The following RBFOX1 variants were observed in gnomAD, a reference collection of about 807,000 sequenced individuals.
RBFOX1 encodes the protein RNA binding fox-1 homolog 1, also known as RNA binding protein fox-1 homolog 1.
A neutral mutation model predicts 57.7 loss-of-function variants in RBFOX1; 8 were observed. The ratio of observed to expected loss-of-function variants is 0.14; its 90% confidence interval spans 0.08 to 0.25. The LOEUF (loss-of-function observed/expected upper bound fraction) is 0.25. Ranked by LOEUF, RBFOX1 falls within the 10% of genes least tolerant of loss-of-function variation. RBFOX1 has a pLI of 1.00. For synonymous variants in RBFOX1, 326 were observed against 222.4 expected, an observed-to-expected ratio of 1.47 and a Z score of -4.15; for missense variants, 611 against 548.5, an observed-to-expected ratio of 1.11 and a Z score of -1.14.
chr16:5,687,187 T>A (rs910098788), intron 3 of RBFOX1, among the ~76,000 whole-genome samples: 1 of 152,056 alleles, frequency 6.6e-6, no homozygotes, highest in Non-Finnish European at 1.5e-5. Flanking sequence ...TACAGTGGAA[T>A]AGGGGGAGAC....
At chr16:6,814,713 GGAAGT>G (rs1278674455) in intron 3 of RBFOX1, among the ~76,000 whole-genome samples, 1 of 152,090 alleles carries the variant, frequency 6.6e-6, no homozygotes, top group East Asian at 1.9e-4. Context: ...GGAAACCTGA[GGAAGT>G]GAAGTGAAAA....
At chr16:7,178,367 T>A (rs2082070804) in intron 4 of RBFOX1, among the ~76,000 whole-genome samples, 1 of 152,094 alleles carries the variant, frequency 6.6e-6, no homozygotes, top group South Asian at 2.1e-4. Context: ...CACTAACAAT[T>A]TGGGCATAGC....
chr16:6,084,764 G>A (rs1236755386), intron 1 of RBFOX1, among the ~76,000 whole-genome samples: 1 of 143,956 alleles, frequency 6.9e-6, no homozygotes, highest in East Asian at 2.0e-4. Flanking sequence ...GGAAGCCCAG[G>A]CTTGCTTGTT....
chr16:6,337,833 C>T (rs1209304949), intron 2 of RBFOX1, among the ~76,000 whole-genome samples: 1 of 152,206 alleles, frequency 6.6e-6, no homozygotes, highest in Non-Finnish European at 1.5e-5. Context: ...GAGAATCCCT[C>T]CAAAGATATC....
At chr16:5,702,798 G>C (rs1037602029) in intron 3 of RBFOX1, among the ~76,000 whole-genome samples, 3 of 152,294 alleles carry the variant, frequency 2.0e-5, no homozygotes, top group African/African-American at 7.2e-5. Flanking sequence ...GATCTTTGCT[G>C]TGTGTGTTGT....
rs184177438 is a variant in RBFOX1, at chr16:7,491,453, C to G, written c.28-26694C>G. ...GCCTGGGAAGGCAGGACTAGACACACCAAACATCAGCCAGACAGGTGATGT... is the reference window on the plus strand; with the variant it reads ...GCCTGGGAAGGCAGGACTAGACACAGCAAACATCAGCCAGACAGGTGATGT... On this transcript the variant is annotated intron_variant, in intron 4 of 15. Transcript: ENST00000550418. Among the ~76,000 whole-genome samples the G allele has an allele frequency of 7.4e-3, 1,038 of 140,782 alleles. 14 individuals carry two copies. Among genetic ancestry groups the G allele is most frequent in the Non-Finnish European group, 8.2e-3 (513 of 62,908 alleles). 92.4% of individuals were successfully genotyped at this position (140,782 alleles called of 152,430 possible).
intron 4 of RBFOX1, among the ~76,000 whole-genome samples, chr16:7,345,394 C>T (rs749777568): frequency 5.9e-5 from 9 of 152,262 alleles, no homozygotes; most frequent in South Asian, 2.1e-4. Context: ...TAAGGCTGTT[C>T]GGGCAGCCCT....
chr16:6,222,239 G>A (rs892299595), intron 1 of RBFOX1, among the ~76,000 whole-genome samples: 5 of 152,110 alleles, frequency 3.3e-5, no homozygotes, highest in Admixed American at 6.6e-5. Context: ...TGGTATTCAG[G>A]TGTGGCAAAT....
intron 2 of RBFOX1, among the ~76,000 whole-genome samples, chr16:5,546,980 C>G (rs1580473): frequency 6.6e-6 from 1 of 151,662 alleles, no homozygotes; most frequent in Non-Finnish European, 1.5e-5. Flanking sequence ...ATATACATGG[C>G]AAATAATCAC....
intron 3 of RBFOX1, among the ~76,000 whole-genome samples, chr16:5,855,417 A>T (rs1250572522): frequency 2.6e-5 from 4 of 152,148 alleles, no homozygotes; most frequent in Admixed American, 1.3e-4. Flanking sequence ...TGAAATAAGG[A>T]TTCAATTATA....
At chr16:5,807,046 G>A (rs1189826916) in intron 3 of RBFOX1, among the ~76,000 whole-genome samples, 3 of 152,220 alleles carry the variant, frequency 2.0e-5, no homozygotes, top group African/African-American at 7.2e-5. Flanking sequence ...CACCAGTGAT[G>A]GCTGAGCCTG....
chr16:5,615,069 CTG>C (rs1026940938), intron 3 of RBFOX1, among the ~76,000 whole-genome samples: 3 of 152,174 alleles, frequency 2.0e-5, no homozygotes, highest in African/African-American at 7.2e-5. Flanking sequence ...GGGTTTCACT[CTG>C]TTACCCAGGC....
intron 2 of RBFOX1, among the ~76,000 whole-genome samples, chr16:6,438,839 T>C (rs1003232446): frequency 4.6e-5 from 7 of 152,340 alleles, no homozygotes; most frequent in Middle Eastern, 6.8e-3. Flanking sequence ...TGCTCACCAC[T>C]GTACCTGAGT....
intron 3 of RBFOX1, among the ~76,000 whole-genome samples, chr16:6,731,185 A>G (rs1419216201): frequency 6.6e-6 from 1 of 152,182 alleles, no homozygotes; most frequent in Non-Finnish European, 1.5e-5. Context: ...ATGCAAAAAT[A>G]CAGGGAAGAT....
chr16:5,925,676 TTA>T (rs56125353), intron 4 of RBFOX1, among the ~76,000 whole-genome samples: 1 of 152,002 alleles, frequency 6.6e-6, no homozygotes, highest in African/African-American at 2.4e-5. Context: ...AATATACATA[TTA>T]TATATATATT....
chr16:5,436,077 C>T (rs532372070), intron 1 of RBFOX1, among the ~76,000 whole-genome samples: 1 of 152,332 alleles, frequency 6.6e-6, no homozygotes, highest in South Asian at 2.1e-4. Context: ...CATATTTGGC[C>T]TCCCAGTGGG....
chr16:7,689,333 A>G (rs1180543053), intron 14 of RBFOX1, among the ~76,000 whole-genome samples: 1 of 152,250 alleles, frequency 6.6e-6, no homozygotes, highest in East Asian at 1.9e-4. Context: ...TTCCTGGGAC[A>G]GGTGAGCTTT....
At position 7,168,081 on chromosome 16, in the gene RBFOX1, C is replaced by G. The variant is rs7186897; in HGVS notation, c.27+115983C>G. Among the ~76,000 whole-genome samples, 554 of 152,240 alleles carry G rather than the reference C, an allele frequency of 3.6e-3. 3 individuals carry two copies. The highest frequency in any genetic ancestry group is 0.013 in the African/African-American group (521 of 41,528). On this transcript the variant is annotated intron_variant, in intron 4 of 15. Coordinates refer to ENST00000550418, the MANE Select transcript of RBFOX1 (RefSeq NM_018723.4). Reference sequence around the variant, plus strand: ...ACATGAAATGTTCCAGAATAGTTGACAGCATTAGCTACATTTAAAAGATTC... The same window carrying G: ...ACATGAAATGTTCCAGAATAGTTGAGAGCATTAGCTACATTTAAAAGATTC...
chr16:5,856,007 A>G (rs12927403), intron 3 of RBFOX1, among the ~76,000 whole-genome samples: 64,298 of 128,388 alleles, frequency 0.5, 17,125 homozygotes, highest in East Asian at 0.64. Context: ...GCTATCGTCA[A>G]TAAGATTACT....
Sources: gnomAD v4.1 joint callset for allele counts (sites outside exome capture counted in the v4.1 genomes callset) on GRCh38, gnomAD v4.1.1 for gene constraint, MANE v1.5 for transcripts, NCBI Gene and HGNC (gene_info 2026-07-23, HGNC 2026-07-21) for gene names.